TMEM138: variants seen among roughly 807,000 people sequenced by gnomAD.
The protein encoded by TMEM138 is transmembrane protein 138.
Under a neutral mutation model 18.1 loss-of-function variants are expected in TMEM138, and 9 were observed. That is an observed-to-expected ratio of 0.50 (90% CI 0.30 to 0.87). The LOEUF (loss-of-function observed/expected upper bound fraction) is 0.87, where lower values mean the gene tolerates loss of function less well. Ranked by LOEUF, TMEM138 falls within the 40% of genes least tolerant of loss-of-function variation. The pLI is 0.06. For missense variants in TMEM138, 189 were observed against 190.6 expected, an observed-to-expected ratio of 0.99 and a Z score of 0.05; for synonymous variants, 79 against 74.8, an observed-to-expected ratio of 1.06 and a Z score of -0.29.
At position 61,369,041 on chromosome 11, in the gene TMEM138, G is replaced by A. The variant is rs1373130053; in HGVS notation, c.*332G>A. 13 of 258,368 alleles carry A rather than the reference G, an allele frequency of 5.0e-5. No individual in the cohort carries two copies. The highest frequency in any genetic ancestry group is 7.6e-6 in the Non-Finnish European group (1 of 131,538). The allele number at this position is 258,368 out of a possible 1,614,324, so 16.0% of individuals were successfully genotyped here. On this transcript the variant is annotated 3_prime_UTR_variant, in exon 5 of 5. Coordinates refer to ENST00000278826, the MANE Select transcript of TMEM138 (RefSeq NM_016464.5). ...TTGTGAAGCTTTTCCTTTAGCCTGG[G>A]ACAGAAGGACCTCCCAGCCCCCAAA...
downstream of TMEM138, among the ~76,000 whole-genome samples, chr11:61,369,816 C>G (rs1235955335): frequency 1.3e-5 from 2 of 152,198 alleles, no homozygotes. Context: ...ACAGACTAGC[C>G]TGGATCTGCT....
chr11:61,371,387 C>G (rs1338003520), downstream of TMEM138, among the ~76,000 whole-genome samples: 1 of 152,148 alleles, frequency 6.6e-6, no homozygotes, highest in Middle Eastern at 3.4e-3. Context: ...TGCCTTAGGC[C>G]GACCCCACAC....
downstream of TMEM138, among the ~76,000 whole-genome samples, chr11:61,369,919 G>C (rs1344538942): frequency 6.6e-6 from 1 of 152,202 alleles, no homozygotes; most frequent in Non-Finnish European, 1.5e-5. Context: ...GTTGATCAAG[G>C]CAAGTCACGC....
downstream of TMEM138, among the ~76,000 whole-genome samples, chr11:61,374,094 C>T (rs963767048): frequency 5.3e-5 from 8 of 150,922 alleles, no homozygotes; most frequent in African/African-American, 1.7e-4. Flanking sequence ...CCATCCACCT[C>T]GGCCTCCCAA....
At chr11:61,376,426 C>G (rs1444533408), downstream of TMEM138, among the ~76,000 whole-genome samples, 2 of 152,098 alleles carry the variant, frequency 1.3e-5, no homozygotes, top group Non-Finnish European at 2.9e-5. Context: ...AGATTCTTGT[C>G]TTGCCTAATG....
chr11:61,375,975 C>T (rs1858429437), downstream of TMEM138, among the ~76,000 whole-genome samples: 2 of 152,174 alleles, frequency 1.3e-5, no homozygotes, highest in African/African-American at 2.4e-5. Flanking sequence ...CACGGCTGGG[C>T]TCGGCTTTTA....
At chr11:61,375,802 A>G (rs981504601), downstream of TMEM138, among the ~76,000 whole-genome samples, 1 of 152,204 alleles carries the variant, frequency 6.6e-6, no homozygotes, top group Non-Finnish European at 1.5e-5. Flanking sequence ...AGCCCCTTGG[A>G]AAAACTGGCC....
downstream of TMEM138, among the ~76,000 whole-genome samples, chr11:61,371,838 C>T (rs1042529831): frequency 2.6e-5 from 4 of 152,134 alleles, no homozygotes; most frequent in Non-Finnish European, 5.9e-5. Context: ...GGAAGCCTTG[C>T]AAGTCAGGTG....
chr11:61,366,430 T>TC, intron 3 of TMEM138: 1 of 497,202 alleles, frequency 2.0e-6, no homozygotes. Context: ...AATTCCTGAA[T>TC]CGCTAAAGGG....
chr11:61,364,999 C>T (rs1320267780), intron 2 of TMEM138, among the ~76,000 whole-genome samples: 1 of 151,510 alleles, frequency 6.6e-6, no homozygotes, highest in Non-Finnish European at 1.5e-5. Flanking sequence ...ACCAGTCTGA[C>T]CAACATGGAG....
chr11:61,373,746 A>G (rs1296869574), downstream of TMEM138, among the ~76,000 whole-genome samples: 1 of 152,156 alleles, frequency 6.6e-6, no homozygotes. Flanking sequence ...CAAATATAAA[A>G]TGGTGTTTGG....
Position 61,368,630 on chromosome 11 carries a change from C to T in TMEM138, c.410C>T (p.Thr137Ile). 6.2e-7 allele frequency: 1 copy of T among 1,614,032 alleles called. No homozygotes were observed. The highest frequency in any genetic ancestry group is 8.5e-7 in the Non-Finnish European group (1 of 1,179,980). ...TTGTACTGCTACTTCTATAAACGGA[C>T]AGCCGTAAGACTAGGCGATCCTCAC... ...AVLYCYFYKRTAVRLGDPHFY... is the reference protein window; with the variant it reads ...AVLYCYFYKRIAVRLGDPHFY... The change falls in exon 5 of 5, where the codon ACA becomes ATA. Residue 137 changes from threonine to isoleucine, a missense_variant. Thr to Ile is a moderately conservative substitution (Grantham distance 89). Transcript: ENST00000278826.
In TMEM138 at chr11:61,364,269, A is replaced by G; in HGVS notation, c.-122A>G. ...TCCAACAGGTGCTTGCCTTAGAGCA[A>G]GGGAAACAGCTCTCATTCAAAGGAA... is the stretch of plus-strand genomic sequence containing the variant. On this transcript the variant is annotated 5_prime_UTR_variant, in exon 2 of 5. Coordinates refer to ENST00000278826, the MANE Select transcript of TMEM138 (RefSeq NM_016464.5). The G allele has an allele frequency of 7.9e-7, 1 of 1,258,196 alleles. No individual in the cohort carries two copies. Among genetic ancestry groups the G allele is most frequent in the Non-Finnish European group, 1.1e-6 (1 of 904,800 alleles). The allele number at this position is 1,258,196 out of a possible 1,614,324, so 77.9% of individuals were successfully genotyped here.
intron 2 of TMEM138, chr11:61,365,575 T>C (rs1353082687): frequency 6.6e-6 from 1 of 152,110 alleles, no homozygotes; most frequent in African/African-American, 2.4e-5. Context: ...AGCTAATTTT[T>C]TTTTTAATTA....
chr11:61,368,227 GTTTGTTTGTTTGTTTT>G (rs1329522008), intron 4 of TMEM138: 6 of 641,646 alleles, frequency 9.4e-6, no homozygotes, highest in Non-Finnish European at 1.7e-5. Flanking sequence ...TTGTTTGTTT[GTTTGTTTGTTTGTTTT>G]TGAGACAGTC....
intron 2 of TMEM138, among the ~76,000 whole-genome samples, chr11:61,364,986 G>A (rs548770552): frequency 4.0e-5 from 6 of 151,706 alleles, no homozygotes; most frequent in South Asian, 4.2e-4. Flanking sequence ...TCGGGAATTC[G>A]GGACCAGTCT....
downstream of TMEM138, among the ~76,000 whole-genome samples, chr11:61,369,892 G>T (rs1406597632): frequency 6.6e-6 from 1 of 152,216 alleles, no homozygotes. Context: ...TGCTTGTCTT[G>T]TGTCTCCTAG....
intron 1 of TMEM138, chr11:61,363,284 A>G (rs12290490): frequency 1.3e-5 from 2 of 152,304 alleles, no homozygotes; most frequent in East Asian, 1.9e-4. Context: ...ATGTCCAATA[A>G]GGTGGGACTT....
At chr11:61,375,048 A>G (rs771472133), downstream of TMEM138, among the ~76,000 whole-genome samples, 27 of 152,306 alleles carry the variant, frequency 1.8e-4, no homozygotes, top group Non-Finnish European at 3.4e-4. Flanking sequence ...ATAGAGGAAA[A>G]ACTTTCACGA....
Sources: gnomAD v4.1 joint callset for allele counts (sites outside exome capture counted in the v4.1 genomes callset) on GRCh38, gnomAD v4.1.1 for gene constraint, MANE v1.5 for transcripts, NCBI Gene and HGNC (gene_info 2026-07-23, HGNC 2026-07-21) for gene names.